Variants in TENM3 observed in about 807,000 individuals in gnomAD.
TENM3 encodes teneurin-3.
Under a neutral mutation model 255.1 loss-of-function variants are expected in TENM3, and 63 were observed. The observed-to-expected ratio is 0.25, with a 90% CI of 0.20 to 0.30. The LOEUF (loss-of-function observed/expected upper bound fraction) is 0.30, where lower values mean the gene tolerates loss of function less well. Ranked by LOEUF, TENM3 falls within the 10% of genes least tolerant of loss-of-function variation. The pLI, the probability that TENM3 is intolerant of heterozygous loss-of-function variation, is 1.00. For synonymous variants in TENM3, 1,306 were observed against 1,322.3 expected, an observed-to-expected ratio of 0.99 and a Z score of 0.27; for missense variants, 2,929 against 3,461.1, an observed-to-expected ratio of 0.85 and a Z score of 3.86.
At chr4:182,776,750 G>A (rs937566835) in intron 24 of TENM3, among the ~76,000 whole-genome samples, 1 of 152,212 alleles carries the variant, frequency 6.6e-6, no homozygotes, top group African/African-American at 2.4e-5. Context: ...CCTAAATGAA[G>A]AAAATACCTC....
At chr4:181,999,361 A>G in the TENM3 span, among the ~76,000 whole-genome samples, 1 of 152,320 alleles carries the variant, frequency 6.6e-6, no homozygotes, top group South Asian at 2.1e-4. Context: ...ACACACAGGC[A>G]AAGTTCTGAG....
the TENM3 span, among the ~76,000 whole-genome samples, chr4:181,916,026 G>A: frequency 9.5e-4 from 145 of 152,176 alleles, no homozygotes; most frequent in African/African-American, 3.3e-3. Context: ...TCTAAAATCC[G>A]TATCAGGCCC....
At chr4:181,894,626 T>A in the TENM3 span, among the ~76,000 whole-genome samples, 5 of 151,960 alleles carry the variant, frequency 3.3e-5, no homozygotes, top group Non-Finnish European at 7.4e-5. Context: ...AAGGTCAGAA[T>A]CCTTAATCCA....
chr4:182,360,688 G>A (rs1765903938), intron 3 of TENM3, among the ~76,000 whole-genome samples: 1 of 152,064 alleles, frequency 6.6e-6, no homozygotes. Context: ...TTGCCAGTCT[G>A]TGTCTTTTAA....
intron 3 of TENM3, among the ~76,000 whole-genome samples, chr4:182,597,660 T>A (rs1449786232): frequency 3.2e-4 from 48 of 152,240 alleles, no homozygotes; most frequent in Non-Finnish European, 1.2e-4. Context: ...TGGCTTTATC[T>A]TATGTTTCAC....
chr4:181,988,330 C>T, the TENM3 span, among the ~76,000 whole-genome samples: 1 of 151,990 alleles, frequency 6.6e-6, no homozygotes, highest in African/African-American at 2.4e-5. Flanking sequence ...AATCATCAAC[C>T]TCTCGTAGCA....
At chr4:182,235,342 C>T (rs1041039711) in intron 1 of TENM3, among the ~76,000 whole-genome samples, 4 of 152,104 alleles carry the variant, frequency 2.6e-5, no homozygotes, top group Non-Finnish European at 2.9e-5. Context: ...TGTGGTTAGG[C>T]GTGGTCTTTC....
At chr4:182,434,916 A>G (rs1331364197) in intron 3 of TENM3, among the ~76,000 whole-genome samples, 1 of 152,284 alleles carries the variant, frequency 6.6e-6, no homozygotes, top group East Asian at 1.9e-4. Flanking sequence ...CTGGGGTCTG[A>G]GCATATCACT....
chr4:181,540,166 A>AT, the TENM3 span, among the ~76,000 whole-genome samples: 1 of 152,176 alleles, frequency 6.6e-6, no homozygotes, highest in Non-Finnish European at 1.5e-5. Context: ...TCAAGGGCCT[A>AT]TTACAGGAGC....
At chr4:182,170,443 T>C (rs888996068) in intron 1 of TENM3, among the ~76,000 whole-genome samples, 1 of 152,140 alleles carries the variant, frequency 6.6e-6, no homozygotes, top group East Asian at 1.9e-4. Flanking sequence ...ATTTGTGAAA[T>C]TGACAAATTG....
chr4:182,789,364 C>T lies in TENM3; in HGVS notation c.5576C>T (p.Thr1859Ile). ...IVSRVFADGK[T>I]WSYTYLEKSM... is the part of the protein sequence containing the mutation. ...TCTCGGGTCTTTGCTGATGGTAAAA[C>T]ATGGAGTTACACATATTTAGAAAAG... Residue 1859 changes from threonine to isoleucine, a missense_variant, in exon 25 of 28, where the codon ACA becomes ATA. Physicochemically the swap from Thr to Ile is moderately conservative, Grantham distance 89 (BLOSUM62 -1). Coordinates refer to ENST00000511685, the MANE Select transcript of TENM3 (RefSeq NM_001080477.4). The surrounding 1 kb of genome is among the most constrained non-coding windows in gnomAD (Gnocchi z 4.4). The T allele has an allele frequency of 6.2e-7, 1 of 1,613,290 alleles. No individual in the cohort carries two copies.
chr4:181,468,343 C>G, the TENM3 span, among the ~76,000 whole-genome samples: 1 of 152,098 alleles, frequency 6.6e-6, no homozygotes, highest in Non-Finnish European at 1.5e-5. Flanking sequence ...TTAGCTAGCC[C>G]ACTGGTTTTA....
At chr4:181,544,753 C>T in the TENM3 span, among the ~76,000 whole-genome samples, 1 of 152,170 alleles carries the variant, frequency 6.6e-6, no homozygotes, top group Non-Finnish European at 1.5e-5. Flanking sequence ...ATTGACTATA[C>T]TACAGTGTTC....
chr4:182,506,348 T>C (rs1486680400), intron 3 of TENM3, among the ~76,000 whole-genome samples: 1 of 152,204 alleles, frequency 6.6e-6, no homozygotes, highest in Non-Finnish European at 1.5e-5. Context: ...TGAAGTTCAA[T>C]CTTGTCATTA....
intron 3 of TENM3, among the ~76,000 whole-genome samples, chr4:182,554,337 G>A (rs143542974): frequency 1.3e-5 from 2 of 152,238 alleles, no homozygotes; most frequent in African/African-American, 4.8e-5. Context: ...ATAATTAACT[G>A]ACCTCATCCC....
At chr4:182,692,667 T>C (rs942239836) in intron 12 of TENM3, among the ~76,000 whole-genome samples, 2 of 152,194 alleles carry the variant, frequency 1.3e-5, no homozygotes, top group Admixed American at 6.5e-5. Context: ...GTTTGTTAGA[T>C]ATAATGAAGA....
the TENM3 span, among the ~76,000 whole-genome samples, chr4:182,119,960 T>C: frequency 1.3e-5 from 2 of 152,084 alleles, no homozygotes; most frequent in Admixed American, 1.3e-4. Flanking sequence ...CCTCAGCCTC[T>C]CAAAGTGCTG....
chr4:182,469,661 C>T (rs1460416421), intron 3 of TENM3, among the ~76,000 whole-genome samples: 4 of 148,200 alleles, frequency 2.7e-5, no homozygotes, highest in Non-Finnish European at 5.9e-5. Context: ...TTGCAGTGAG[C>T]AGAGATCATG....
At chr4:181,781,570 A>C in the TENM3 span, among the ~76,000 whole-genome samples, 3 of 152,268 alleles carry the variant, frequency 2.0e-5, no homozygotes, top group African/African-American at 7.2e-5. Flanking sequence ...GCAAACAGGG[A>C]CAATTTGACT....
Sources: gnomAD v4.1 joint callset for allele counts (sites outside exome capture counted in the v4.1 genomes callset) on GRCh38, gnomAD v4.1.1 for gene constraint, Gnocchi (gnomAD v3.1) non-coding constraint, MANE v1.5 for transcripts, NCBI Gene and HGNC (gene_info 2026-07-23, HGNC 2026-07-21) for gene names.